The following NUS1 variants were observed in gnomAD, a reference collection of about 807,000 sequenced individuals.
NUS1 encodes NUS1 dehydrodolichyl diphosphate synthase subunit, also known as dehydrodolichyl diphosphate synthase complex subunit NUS1.
For synonymous variants in NUS1, 135 were observed against 155.2 expected, an observed-to-expected ratio of 0.87 and a Z score of 0.97; for missense variants, 292 against 382.9, an observed-to-expected ratio of 0.76 and a Z score of 1.98.
intron 4 of NUS1, among the ~76,000 whole-genome samples, chr6:117,706,039 CTG>C (rs1441115490): frequency 5.3e-5 from 8 of 152,152 alleles, no homozygotes; most frequent in Non-Finnish European, 1.2e-4. Flanking sequence ...AGGACTCTGA[CTG>C]TGACTCTTCT....
At chr6:117,676,667 G>T (rs1404218527) in intron 1 of NUS1, among the ~76,000 whole-genome samples, 2 of 152,204 alleles carry the variant, frequency 1.3e-5, no homozygotes, top group Non-Finnish European at 2.9e-5. Flanking sequence ...GTATACCCTT[G>T]CCAAGGTTTA....
intron 1 of NUS1, among the ~76,000 whole-genome samples, chr6:117,686,242 AG>A (rs1203259159): frequency 6.6e-6 from 1 of 152,096 alleles, no homozygotes; most frequent in Non-Finnish European, 1.5e-5. Flanking sequence ...CCTGGGCAAC[AG>A]AGCAAGATTC....
chr6:117,688,588 A>T (rs1401299670), intron 1 of NUS1, among the ~76,000 whole-genome samples: 1 of 152,132 alleles, frequency 6.6e-6, no homozygotes, highest in Non-Finnish European at 1.5e-5. Flanking sequence ...AGTAAGTTAT[A>T]CACTTAAAGT....
chr6:117,696,517 A>G (rs1345685400), intron 3 of NUS1, among the ~76,000 whole-genome samples: 1 of 152,132 alleles, frequency 6.6e-6, no homozygotes, highest in Non-Finnish European at 1.5e-5. Flanking sequence ...GGATCCTAAA[A>G]GCAACAAGAG....
At chr6:117,678,677 G>GTTTTTT (rs34349121) in intron 1 of NUS1, among the ~76,000 whole-genome samples, 1 of 100,314 alleles carries the variant, frequency 1.0e-5, no homozygotes. Flanking sequence ...TTTTTCAGTG[G>GTTTTTT]TTTTTTTTTT....
chr6:117,703,555 TGTGC>T, intron 3 of NUS1, 46 bp from the exon 4 acceptor site: 1 of 1,203,116 alleles, frequency 8.3e-7, no homozygotes. Context: ...TGTGTGTGTG[TGTGC>T]ACATGCAGTG....
chr6:117,691,562 T>G (rs1205442182), intron 1 of NUS1, among the ~76,000 whole-genome samples: 4 of 12,890 alleles, frequency 3.1e-4, no homozygotes, highest in Admixed American at 9.3e-4. Flanking sequence ...GATATAGATA[T>G]ATATATATAT....
At chr6:117,690,523 C>T (rs1489499781) in intron 1 of NUS1, among the ~76,000 whole-genome samples, 1 of 152,122 alleles carries the variant, frequency 6.6e-6, no homozygotes, top group Non-Finnish European at 1.5e-5. Flanking sequence ...GTGAGCAAAA[C>T]AGATAAGATC....
intron 1 of NUS1, among the ~76,000 whole-genome samples, chr6:117,678,005 C>G (rs749480555): frequency 1.1e-4 from 17 of 152,184 alleles, no homozygotes; most frequent in Non-Finnish European, 2.1e-4. Context: ...GACTTGATGA[C>G]CGTGCCTACT....
At chr6:117,684,030 A>G (rs751085876) in intron 1 of NUS1, among the ~76,000 whole-genome samples, 1 of 152,198 alleles carries the variant, frequency 6.6e-6, no homozygotes, top group Non-Finnish European at 1.5e-5. Context: ...CTTCTAATCC[A>G]TATGTGTGGC....
At chr6:117,676,542 C>T (rs1453806591) in intron 1 of NUS1, among the ~76,000 whole-genome samples, 1 of 152,200 alleles carries the variant, frequency 6.6e-6, no homozygotes, top group Non-Finnish European at 1.5e-5. Context: ...CGCGCCACTG[C>T]ACTCCAGCCT....
Position 117,707,035 on chromosome 6 carries a change from T to C in NUS1, c.*20T>C, listed in dbSNP as rs551952235. On this transcript the variant is annotated 3_prime_UTR_variant, in exon 5 of 5. Transcript: ENST00000368494. ...AAGTAGTGGTCATTGGTTGCATAAT[T>C]TGATTTGAGGCTTGTGGAGGAAAGG... 5 of 1,607,160 alleles carry C rather than the reference T, an allele frequency of 3.1e-6. No homozygotes were observed. Among genetic ancestry groups the C allele is most frequent in the East Asian group, 2.2e-5 (1 of 44,820 alleles).
At chr6:117,697,830 C>G (rs577273827) in intron 3 of NUS1, among the ~76,000 whole-genome samples, 3 of 152,196 alleles carry the variant, frequency 2.0e-5, no homozygotes, top group African/African-American at 7.2e-5. Context: ...ATTTACAAAA[C>G]ATTTTATCCA....
At chr6:117,691,541 T>C (rs1172555517) in intron 1 of NUS1, among the ~76,000 whole-genome samples, 1 of 115,158 alleles carries the variant, frequency 8.7e-6, no homozygotes, top group African/African-American at 3.2e-5. Context: ...TTCAGCAGGT[T>C]CTGTGCCATA....
chr6:117,695,192 T>TAAAAAA (rs1773298872), intron 3 of NUS1, among the ~76,000 whole-genome samples: 1 of 25,006 alleles, frequency 4.0e-5, no homozygotes, highest in Non-Finnish European at 7.2e-5. Flanking sequence ...AGACCCTGTC[T>TAAAAAA]CAAAAAAAAA....
At chr6:117,701,394 G>A (rs1190022223) in intron 3 of NUS1, among the ~76,000 whole-genome samples, 8 of 151,752 alleles carry the variant, frequency 5.3e-5, no homozygotes, top group African/African-American at 1.5e-4. Flanking sequence ...ACAGGCGCCC[G>A]CCACCGCGCC....
chr6:117,690,125 A>G (rs972298321), intron 1 of NUS1, among the ~76,000 whole-genome samples: 3 of 152,230 alleles, frequency 2.0e-5, no homozygotes, highest in Admixed American at 6.5e-5. Flanking sequence ...AAAGATTGCC[A>G]TTCAAATAGC....
Position 117,694,170 on chromosome 6 carries a change from C to G in NUS1, c.681C>G (p.Ala227=), listed in dbSNP as rs1773283482. The change falls in exon 3 of 5, where the codon GCC becomes GCG. Residue 227 remains alanine (A), a synonymous_variant. Coordinates refer to ENST00000368494, the MANE Select transcript of NUS1 (RefSeq NM_138459.5). The stretch of plus-strand genomic sequence containing the variant: ...CAGATTTGGATGTAGATACGTTAGC[C>G]AGTTTACTTAGTAAGTTTTTTTATA... The part of the protein sequence containing the change: ...RPTDLDVDTL[A]SLLSSNGCPD... The G allele has an allele frequency of 8.8e-6, 14 of 1,587,246 alleles. No homozygotes were observed. Among genetic ancestry groups the G allele is most frequent in the Non-Finnish European group, 1.2e-5 (14 of 1,169,632 alleles).
chr6:117,675,636 G>C lies in NUS1; in HGVS notation c.-35G>C. On this transcript the variant is annotated 5_prime_UTR_variant, in exon 1 of 5. Coordinates refer to ENST00000368494, the MANE Select transcript of NUS1 (RefSeq NM_138459.5). ...AAGCCGTCGCGCTGCGGGAGTGGGC[G>C]GGAGGGAGAGGGGGTGTCTGAGGGC... 15 of 1,399,374 alleles carry C rather than the reference G, an allele frequency of 1.1e-5. No individual in the cohort carries two copies. The highest frequency in any genetic ancestry group is 1.5e-5 in the Non-Finnish European group (15 of 1,023,278). 86.7% of individuals were successfully genotyped at this position (1,399,374 alleles called of 1,614,324 possible).
Sources: gnomAD v4.1 joint callset for allele counts (sites outside exome capture counted in the v4.1 genomes callset) on GRCh38, gnomAD v4.1.1 for gene constraint, MANE v1.5 for transcripts, NCBI Gene and HGNC (gene_info 2026-07-23, HGNC 2026-07-21) for gene names.